PTPRM: variants seen among roughly 807,000 people sequenced by gnomAD.
PTPRM encodes protein tyrosine phosphatase receptor type M, also known as receptor-type tyrosine-protein phosphatase mu.
Under a neutral mutation model 186.7 loss-of-function variants are expected in PTPRM, and 47 were observed. The observed-to-expected ratio is 0.25, with a 90% CI of 0.20 to 0.32. The LOEUF (loss-of-function observed/expected upper bound fraction) is 0.32, where lower values mean the gene tolerates loss of function less well. Among genes scored for constraint, PTPRM ranks in the 10% least tolerant of loss-of-function variants. The pLI is 1.00. For missense variants in PTPRM, 1,494 were observed against 1,865.0 expected, an observed-to-expected ratio of 0.80 and a Z score of 3.66; for synonymous variants, 668 against 674.9, an observed-to-expected ratio of 0.99 and a Z score of 0.16.
Position 7,985,282 on chromosome 18 carries a change from CACATAAATATATACATATAATA to C in PTPRM, c.1132+29869_1132+29890del, listed in dbSNP as rs1317894836. Among the ~76,000 whole-genome samples, 3 of 82,848 alleles carry C rather than the reference CACATAAATATATACATATAATA, an allele frequency of 3.6e-5. 1 individual carries two copies. The highest frequency in any genetic ancestry group is 1.5e-4 in the African/African-American group (3 of 20,142). The allele number at this position is 82,848 out of a possible 152,430, so 54.4% of individuals were successfully genotyped here. The stretch of plus-strand genomic sequence containing the variant: ...AAATATATACATATAATAGTATATA[CACATAAATATATACATATAATA>C]GTATATACACATAAATATATACATA... On this transcript the variant is annotated intron_variant, in intron 7 of 32. Coordinates refer to ENST00000580170, the MANE Select transcript of PTPRM (RefSeq NM_001105244.2).
At chr18:7,819,189 G>C (rs1224412043) in intron 2 of PTPRM, among the ~76,000 whole-genome samples, 1 of 152,096 alleles carries the variant, frequency 6.6e-6, no homozygotes, top group Admixed American at 6.6e-5. Context: ...TCACCCCCAG[G>C]CCTGTGCCTG....
At chr18:8,015,647 G>A (rs2084812769) in intron 7 of PTPRM, among the ~76,000 whole-genome samples, 1 of 152,170 alleles carries the variant, frequency 6.6e-6, no homozygotes, top group African/African-American at 2.4e-5. Flanking sequence ...CTTTCCAAGG[G>A]ATCTGTGACA....
intron 1 of PTPRM, among the ~76,000 whole-genome samples, chr18:7,613,308 A>AT (rs1291814909): frequency 6.6e-6 from 1 of 152,120 alleles, no homozygotes; most frequent in Non-Finnish European, 1.5e-5. Flanking sequence ...CCTTAATTAT[A>AT]TTTTGTCATG....
At chr18:8,129,533 T>G (rs1409587294) in intron 13 of PTPRM, among the ~76,000 whole-genome samples, 2 of 152,358 alleles carry the variant, frequency 1.3e-5, no homozygotes, top group East Asian at 3.8e-4. Flanking sequence ...AAGATCCCAG[T>G]GATGTCCCTT....
intron 2 of PTPRM, among the ~76,000 whole-genome samples, chr18:7,845,645 T>A (rs1276536801): frequency 6.6e-6 from 1 of 152,232 alleles, no homozygotes; most frequent in African/African-American, 2.4e-5. Flanking sequence ...ATGGACAACA[T>A]TCCCTGTTAT....
At chr18:7,886,761 A>T (rs1221073002) in intron 2 of PTPRM, among the ~76,000 whole-genome samples, 1 of 152,142 alleles carries the variant, frequency 6.6e-6, no homozygotes, top group African/African-American at 2.4e-5. Context: ...GGCTCACCTC[A>T]TAGCTGTAAA....
chr18:8,333,107 T>C (rs976823009), intron 22 of PTPRM, among the ~76,000 whole-genome samples: 1 of 152,266 alleles, frequency 6.6e-6, no homozygotes, highest in African/African-American at 2.4e-5. Context: ...CATTAGTTGA[T>C]TTCCATTGTT....
intron 2 of PTPRM, among the ~76,000 whole-genome samples, chr18:7,831,719 T>C (rs773852561): frequency 6.6e-6 from 1 of 152,140 alleles, no homozygotes; most frequent in Non-Finnish European, 1.5e-5. Context: ...ATTCACTCTG[T>C]TTTTTTGGTA....
At chr18:8,233,874 G>A (rs890731896) in intron 14 of PTPRM, among the ~76,000 whole-genome samples, 4 of 152,132 alleles carry the variant, frequency 2.6e-5, no homozygotes, top group Non-Finnish European at 4.4e-5. Context: ...TGGATGTCTA[G>A]TTGTTCCACC....
chr18:7,874,636 G>A (rs1456044178), intron 2 of PTPRM, among the ~76,000 whole-genome samples: 2 of 151,702 alleles, frequency 1.3e-5, no homozygotes, highest in Admixed American at 6.6e-5. Context: ...AATGTAATAA[G>A]TTATACTGGG....
intron 7 of PTPRM, among the ~76,000 whole-genome samples, chr18:7,999,668 A>G (rs568795983): frequency 1.3e-5 from 2 of 151,990 alleles, no homozygotes; most frequent in South Asian, 2.1e-4. Context: ...CACCAACCTA[A>G]TATAATGTGT....
intron 14 of PTPRM, among the ~76,000 whole-genome samples, chr18:8,187,667 T>C (rs188409698): frequency 2.3e-4 from 35 of 152,238 alleles, no homozygotes; most frequent in Non-Finnish European, 3.4e-4. Context: ...CTAGACTAAG[T>C]TGGCAACAGA....
intron 4 of PTPRM, among the ~76,000 whole-genome samples, chr18:7,907,892 T>TC (rs2050073942): frequency 6.6e-6 from 1 of 151,288 alleles, no homozygotes; most frequent in African/African-American, 2.4e-5. Context: ...CTGTATTCTT[T>TC]TTTTTTTTTT....
intron 1 of PTPRM, among the ~76,000 whole-genome samples, chr18:7,651,215 G>A (rs1172228029): frequency 6.6e-6 from 1 of 152,062 alleles, no homozygotes; most frequent in East Asian, 1.9e-4. Flanking sequence ...TAGCCACCGC[G>A]CCTGACCAAG....
intron 9 of PTPRM, among the ~76,000 whole-genome samples, chr18:8,084,854 A>C (rs1384342885): frequency 6.6e-6 from 1 of 152,168 alleles, no homozygotes; most frequent in Non-Finnish European, 1.5e-5. Flanking sequence ...GGTAGGATTT[A>C]AAGGCACCTA....
intron 2 of PTPRM, among the ~76,000 whole-genome samples, chr18:7,833,580 A>G (rs1387990930): frequency 1.3e-5 from 2 of 152,070 alleles, no homozygotes; most frequent in East Asian, 1.9e-4. Flanking sequence ...CTAAAAATAC[A>G]AAAATTAGCC....
At chr18:7,989,891 C>A (rs929982419) in intron 7 of PTPRM, among the ~76,000 whole-genome samples, 16 of 152,128 alleles carry the variant, frequency 1.1e-4, no homozygotes, top group East Asian at 5.8e-4. Context: ...TTTTGCCTGA[C>A]ATTTTCTTCC....
intron 14 of PTPRM, among the ~76,000 whole-genome samples, chr18:8,194,678 G>A (rs1238287728): frequency 2.0e-5 from 3 of 152,230 alleles, no homozygotes; most frequent in Non-Finnish European, 4.4e-5. Context: ...ACATAGCACA[G>A]CCGTGGCTGT....
intron 2 of PTPRM, among the ~76,000 whole-genome samples, chr18:7,801,478 G>A (rs182340115): frequency 6.2e-4 from 94 of 152,156 alleles, no homozygotes; most frequent in African/African-American, 2.1e-3. Context: ...GGATAACAGT[G>A]CCTTCTTCTG....
Sources: allele counts gnomAD v4.1 joint callset (sites outside exome capture counted in the v4.1 genomes callset), GRCh38; gene constraint gnomAD v4.1.1; transcripts MANE v1.5; gene names NCBI Gene and HGNC (gene_info 2026-07-23, HGNC 2026-07-21).